The following SLC12A8 variants were observed in gnomAD, a reference collection of about 807,000 sequenced individuals.
The protein encoded by SLC12A8 is cation-chloride cotransporter 9.
SLC12A8 carries 69 observed loss-of-function variants against 75.6 expected under a neutral mutation model. The observed-to-expected ratio is 0.91, with a 90% CI of 0.75 to 1.11. The LOEUF is 1.11. Ranked by LOEUF, SLC12A8 falls within the 50% of genes most tolerant of loss-of-function variation. SLC12A8 has a pLI of 0.00. For synonymous variants in SLC12A8, 365 were observed against 372.8 expected, an observed-to-expected ratio of 0.98 and a Z score of 0.24; for missense variants, 877 against 896.7, an observed-to-expected ratio of 0.98 and a Z score of 0.28.
chr3:125,119,155 C>T (rs555861370), intron 7 of SLC12A8: 71 of 220,342 alleles, frequency 3.2e-4, no homozygotes, highest in African/African-American at 1.5e-3. Context: ...CCATGCTAAT[C>T]TCTGTATTGT....
intron 8 of SLC12A8, among the ~76,000 whole-genome samples, chr3:125,115,851 G>T (rs1939298558): frequency 6.6e-6 from 1 of 152,110 alleles, no homozygotes; most frequent in African/African-American, 2.4e-5. Context: ...CCTTTTTTCA[G>T]GCCCAGGAAA....
intron 13 of SLC12A8, among the ~76,000 whole-genome samples, chr3:125,084,567 G>A (rs1387597583): frequency 6.6e-6 from 1 of 152,238 alleles, no homozygotes; most frequent in African/African-American, 2.4e-5. Context: ...GTGGCCTCAG[G>A]TGAAGAGCAA....
chr3:125,159,312 T>C (rs1396921625), intron 5 of SLC12A8, among the ~76,000 whole-genome samples: 1 of 152,078 alleles, frequency 6.6e-6, no homozygotes, highest in African/African-American at 2.4e-5. Context: ...CCCAGGCTAG[T>C]CTCAAACCCC....
intron 6 of SLC12A8, among the ~76,000 whole-genome samples, chr3:125,124,787 T>C (rs1933156181): frequency 6.6e-6 from 1 of 152,236 alleles, no homozygotes; most frequent in African/African-American, 2.4e-5. Context: ...TAGTATTTTT[T>C]TCCTGTCTGT....
chr3:125,096,887 C>T (rs899291448), intron 10 of SLC12A8, among the ~76,000 whole-genome samples: 2 of 151,942 alleles, frequency 1.3e-5, no homozygotes, highest in African/African-American at 4.8e-5. Flanking sequence ...TGTGTATTTG[C>T]TTATTTATCA....
intron 2 of SLC12A8, among the ~76,000 whole-genome samples, chr3:125,209,605 G>T (rs1935296282): frequency 6.6e-6 from 1 of 152,190 alleles, no homozygotes. Flanking sequence ...ACCATGCCAG[G>T]TATTGGGGAT....
chr3:125,099,598 G>T (rs1938812907), intron 10 of SLC12A8, among the ~76,000 whole-genome samples: 1 of 152,140 alleles, frequency 6.6e-6, no homozygotes, highest in African/African-American at 2.4e-5. Context: ...AAATTCGGAT[G>T]ACAATGACTT....
chr3:125,212,362 G>A lies in SLC12A8; in HGVS notation c.-46+338C>T, dbSNP rs1192218727. Among the ~76,000 whole-genome samples the A allele has an allele frequency of 7.2e-5, 11 of 152,142 alleles. No homozygotes were observed. In the East Asian group the frequency reaches 2.1e-3, roughly 29 times the overall value. On this transcript the variant is annotated intron_variant, in intron 1 of 13. Coordinates refer to ENST00000469902, the MANE Select transcript of SLC12A8 (RefSeq NM_024628.6). ...GCGCCGCACAGAGCAAGGGACCCCA[G>A]GCCTCCGCTCGCCCTTCCCGCCGCC...
At position 125,187,421 on chromosome 3, in the gene SLC12A8, G is replaced by A; in HGVS notation, c.206C>T (p.Thr69Ile). Residue 69 changes from threonine (T) to isoleucine (I), a missense_variant, in exon 4 of 14, where the codon ACA becomes ATA. Thr to Ile is a moderately conservative substitution (Grantham distance 89). Transcript: ENST00000469902. ...CAGGAACATGCCCAGGAGCACTCCT[G>A]TGTTTCCCTGCAGCAGAATAGCAAG... ...FLRTGWLVGN[T>I]GVLLGMFLVS... 4 of 1,614,012 alleles carry A rather than the reference G, an allele frequency of 2.5e-6. No individual in the cohort carries two copies. Among genetic ancestry groups the A allele is most frequent in the Middle Eastern group, 1.6e-4 (1 of 6,062 alleles).
intron 5 of SLC12A8, among the ~76,000 whole-genome samples, chr3:125,159,581 G>C (rs894813163): frequency 1.3e-5 from 2 of 152,200 alleles, no homozygotes; most frequent in African/African-American, 4.8e-5. Context: ...AATGCTCAGA[G>C]GTCTCAGGAG....
At chr3:125,201,702 G>GAAAAAAA (rs141256499) in intron 2 of SLC12A8, among the ~76,000 whole-genome samples, 1 of 95,572 alleles carries the variant, frequency 1.0e-5, no homozygotes, top group South Asian at 3.8e-4. Flanking sequence ...AGCCATGATT[G>GAAAAAAA]AAAAAAAAAA....
At chr3:125,145,783 T>G (rs1001896294) in intron 5 of SLC12A8, among the ~76,000 whole-genome samples, 1 of 152,256 alleles carries the variant, frequency 6.6e-6, no homozygotes, top group African/African-American at 2.4e-5. Flanking sequence ...AAAAGTTTTA[T>G]GAATGTGGTC....
chr3:125,121,105 T>C (rs943677616), intron 6 of SLC12A8, among the ~76,000 whole-genome samples: 1 of 152,174 alleles, frequency 6.6e-6, no homozygotes, highest in East Asian at 1.9e-4. Flanking sequence ...GCCTGCTGAT[T>C]CCATGGGAGC....
chr3:125,088,171 A>G, intron 13 of SLC12A8, 139 bp downstream of exon 13: 3 of 722,266 alleles, frequency 4.2e-6, no homozygotes, highest in Non-Finnish European at 7.1e-6. Flanking sequence ...GCAACATCTG[A>G]GTCTCCCGGA....
intron 12 of SLC12A8, 92 bp downstream of exon 12, chr3:125,091,347 G>T: frequency 1.2e-6 from 1 of 822,310 alleles, no homozygotes; most frequent in Non-Finnish European, 2.1e-6. Context: ...CTGAATCAGT[G>T]TTGGCATTCA....
chr3:125,118,436 C>T (rs1373132432), intron 8 of SLC12A8, among the ~76,000 whole-genome samples: 1 of 151,876 alleles, frequency 6.6e-6, no homozygotes, highest in Non-Finnish European at 1.5e-5. Context: ...CCAGCCTGGG[C>T]AACATGGTGA....
intron 10 of SLC12A8, among the ~76,000 whole-genome samples, chr3:125,099,272 G>C (rs1037428442): frequency 1.3e-5 from 2 of 152,116 alleles, no homozygotes; most frequent in African/African-American, 4.8e-5. Context: ...ACACACCACG[G>C]GGGAGGCAGA....
At chr3:125,209,389 G>A (rs1935292452) in intron 2 of SLC12A8, among the ~76,000 whole-genome samples, 1 of 152,156 alleles carries the variant, frequency 6.6e-6, no homozygotes, top group Non-Finnish European at 1.5e-5. Context: ...CATATTAAGT[G>A]CTCAGTATAC....
chr3:125,099,595 G>A (rs1422632244), intron 10 of SLC12A8, among the ~76,000 whole-genome samples: 5 of 152,124 alleles, frequency 3.3e-5, no homozygotes, highest in African/African-American at 9.7e-5. Flanking sequence ...AAAAAATTCG[G>A]ATGACAATGA....
Sources: gnomAD v4.1 joint callset for allele counts (sites outside exome capture counted in the v4.1 genomes callset) on GRCh38, gnomAD v4.1.1 for gene constraint, MANE v1.5 for transcripts, NCBI Gene and HGNC (gene_info 2026-07-23, HGNC 2026-07-21) for gene names.